The following ASB14 variants were observed in gnomAD, a reference collection of about 807,000 sequenced individuals.
ASB14 encodes the protein ankyrin repeat and SOCS box protein 14.
ASB14 carries 63 observed loss-of-function variants against 55.6 expected under a neutral mutation model. That is an observed-to-expected ratio of 1.13 (90% CI 0.92 to 1.40). ASB14 has a LOEUF of 1.40. Ranked by LOEUF, ASB14 falls within the 40% of genes most tolerant of loss-of-function variation. ASB14 has a pLI of 0.00. For synonymous variants in ASB14, 256 were observed against 259.9 expected, an observed-to-expected ratio of 0.98 and a Z score of 0.15; for missense variants, 724 against 710.4, an observed-to-expected ratio of 1.02 and a Z score of -0.22.
intron 10 of ASB14, among the ~76,000 whole-genome samples, chr3:57,273,649 A>ATCGATCACTGGTGACTGTTTTTCTTT (rs2060963224): frequency 1.3e-5 from 2 of 152,220 alleles, no homozygotes; most frequent in Non-Finnish European, 2.9e-5. Flanking sequence ...AAGCAAACTA[A>ATCGATCACTGGTGACTGTTTTTCTTT]TCGATCACTG....
chr3:57,271,798 C>CCCAT (rs1259904587), intron 10 of ASB14: 5 of 152,206 alleles, frequency 3.3e-5, no homozygotes, highest in Non-Finnish European at 7.3e-5. Context: ...CAATAATAAA[C>CCCAT]CCATCATCTC....
Position 57,277,897 on chromosome 3 carries a change from T to C in ASB14, c.1455A>G (p.Ser485=). 6.2e-7 allele frequency: 1 copy of C among 1,612,526 alleles called. No homozygotes were observed. The highest frequency in any genetic ancestry group is 8.5e-7 in the Non-Finnish European group (1 of 1,179,574). The part of the protein sequence containing the change: ...DTKFCEVITL[S]WLQHLSGKVV... The stretch of plus-strand genomic sequence containing the variant: ...CCTTTCCAGAGAGATGTTGCAGCCA[T>C]GACAAAGTTATTACTTCACAGAACT... The change falls in exon 9 of 11, where the codon TCA becomes TCG. Residue 485 remains serine (S), a synonymous_variant. Transcript: ENST00000487349.
At position 57,268,342 on chromosome 3, in the gene ASB14, TA is replaced by T; in HGVS notation, c.*1298del. On this transcript the variant is annotated 3_prime_UTR_variant, in exon 11 of 11. Coordinates refer to ENST00000487349, the MANE Select transcript of ASB14 (RefSeq NM_001142733.3). ...ACCATGTGATATTAACTGAAATGTC[TA>T]AAATTTAAAGTTATTTCATATTTAA... 6.9e-7 allele frequency: 1 copy of T among 1,441,718 alleles called. No individual in the cohort carries two copies. Among genetic ancestry groups the T allele is most frequent in the Admixed American group, 2.2e-5 (1 of 46,424 alleles). The allele number at this position is 1,441,718 out of a possible 1,614,324, so 89.3% of individuals were successfully genotyped here. A position where few individuals can be genotyped will look rare whatever the true frequency, so the allele number is the denominator to read the frequency against.
intron 10 of ASB14, among the ~76,000 whole-genome samples, chr3:57,275,415 G>T (rs188390515): frequency 6.8e-6 from 1 of 147,450 alleles, no homozygotes; most frequent in Non-Finnish European, 1.5e-5. Context: ...TCATGCCACC[G>T]CAGTCCAGTC....
chr3:57,276,469 G>T, intron 10 of ASB14, 59 bp downstream of exon 10: 2 of 1,321,084 alleles, frequency 1.5e-6, no homozygotes, highest in Non-Finnish European at 2.1e-6. Context: ...GGTGGGTAAA[G>T]CAAAAAATAT....
Position 57,280,446 on chromosome 3 carries a change from T to A in ASB14, c.743A>T (p.Asp248Val), listed in dbSNP as rs1233434577. 2 of 1,551,120 alleles carry A rather than the reference T, an allele frequency of 1.3e-6. No homozygotes were observed. Among genetic ancestry groups the A allele is most frequent in the Non-Finnish European group, 8.7e-7 (1 of 1,146,702 alleles). Reference sequence around the variant, plus strand: ...GGCTTCAAGTAAGATGGAAGAAGAATCAGAGGCCTGACCATGAGCATTAGC... The same window carrying A: ...GGCTTCAAGTAAGATGGAAGAAGAAACAGAGGCCTGACCATGAGCATTAGC... ...KGANAHGQAS[D>V]SSSILLEAAS... The change falls in exon 7 of 11, where the codon GAT (aspartate) becomes GTT (valine). Residue 248 changes from aspartate to valine, a missense_variant. Physicochemically the swap from Asp to Val is radical, Grantham distance 152. Transcript: ENST00000487349.
chr3:57,288,554 CTGAAG>C (rs2061100189), intron 3 of ASB14, among the ~76,000 whole-genome samples: 1 of 151,918 alleles, frequency 6.6e-6, no homozygotes, highest in Admixed American at 6.6e-5. Context: ...CTTCATTGAG[CTGAAG>C]TATTTTCTCC....
Position 57,268,676 on chromosome 3 carries a change from T to C in ASB14, c.*965A>G. 4.5e-6 allele frequency: 2 copies of C among 443,080 alleles called. No homozygotes were observed. Among genetic ancestry groups the C allele is most frequent in the Non-Finnish European group, 7.4e-6 (2 of 271,152 alleles). 27.4% of individuals were successfully genotyped at this position (443,080 alleles called of 1,614,324 possible). On this transcript the variant is annotated 3_prime_UTR_variant, in exon 11 of 11. Coordinates refer to ENST00000487349, the MANE Select transcript of ASB14 (RefSeq NM_001142733.3). ...TTTGATATGATGTTTACATTATAGT[T>C]ACGTTGACATGTAATATGACTGTTT... is the stretch of plus-strand genomic sequence containing the variant.
intron 8 of ASB14, 49 bp downstream of exon 8, chr3:57,278,328 G>T: frequency 6.7e-7 from 1 of 1,487,600 alleles, no homozygotes; most frequent in Non-Finnish European, 9.3e-7. Flanking sequence ...ATAGTTCCAG[G>T]GCCACAAATA....
chr3:57,270,535 C>T (rs1457760786), intron 10 of ASB14: 1 of 152,618 alleles, frequency 6.6e-6, no homozygotes, highest in East Asian at 1.9e-4. Context: ...GTATTTTCTG[C>T]ATTGTGTGAA....
Position 57,291,958 on chromosome 3 carries a change from C to A in ASB14, c.76G>T (p.Asp26Tyr), listed in dbSNP as rs1489466255. Reference protein sequence around the residue: ...TQLIIQQSLQDIYKPGTAQHA... With the variant: ...TQLIIQQSLQYIYKPGTAQHA... ...TGTGCTGTTCCTGGCTTATAAATATCCTGCAAACTCTGTTGAATGATGAGC... is the reference window on the plus strand; with the variant it reads ...TGTGCTGTTCCTGGCTTATAAATATACTGCAAACTCTGTTGAATGATGAGC... Residue 26 changes from aspartate to tyrosine, a missense_variant, in exon 2 of 11, where the codon GAT becomes TAT. Physicochemically the swap from Asp to Tyr is radical, Grantham distance 160. Transcript: ENST00000487349. 5 of 1,536,452 alleles carry A rather than the reference C, an allele frequency of 3.3e-6. No homozygotes were observed. The highest frequency in any genetic ancestry group is 4.4e-6 in the Non-Finnish European group (5 of 1,146,190).
At chr3:57,279,483 G>T (rs199988461) in intron 7 of ASB14, among the ~76,000 whole-genome samples, 1 of 151,766 alleles carries the variant, frequency 6.6e-6, no homozygotes, top group African/African-American at 2.4e-5. Context: ...GGCGGATCAC[G>T]AGGTTAAGAG....
Position 57,288,171 on chromosome 3 carries a change from C to T in ASB14, c.294G>A (p.Leu98=). The T allele has an allele frequency of 6.5e-7, 1 of 1,537,054 alleles. No homozygotes were observed. Among genetic ancestry groups the T allele is most frequent in the Non-Finnish European group, 8.7e-7 (1 of 1,146,730 alleles). Reference sequence around the variant, plus strand: ...GGAATTTACCGCTTAGGGTTATTTCCAAAATTTTCCTATTTAATTGCACTG... The same window carrying T: ...GGAATTTACCGCTTAGGGTTATTTCTAAAATTTTCCTATTTAATTGCACTG... ...KAAVQLNRKI[L]EITLSASDPS... Residue 98 remains leucine (L), a synonymous_variant, in exon 4 of 11, where the codon TTG becomes TTA. Coordinates refer to ENST00000487349, the MANE Select transcript of ASB14 (RefSeq NM_001142733.3).
At chr3:57,285,318 CTT>C (rs1000608787) in intron 5 of ASB14, among the ~76,000 whole-genome samples, 12 of 152,172 alleles carry the variant, frequency 7.9e-5, no homozygotes, top group African/African-American at 2.9e-4. Context: ...GTCCATCACT[CTT>C]TCCCTACAAT....
intron 6 of ASB14, among the ~76,000 whole-genome samples, chr3:57,281,923 C>G (rs1388463482): frequency 1.3e-5 from 2 of 152,164 alleles, no homozygotes; most frequent in Non-Finnish European, 2.9e-5. Context: ...GTGCAAATTA[C>G]TTTGTAAGGA....
rs768894624 is a variant in ASB14 at position 57,276,616 on chromosome 3, T to C, written c.1698A>G (p.Leu566=). 1 of 1,613,994 alleles carries C rather than the reference T, an allele frequency of 6.2e-7. No homozygotes were observed. The highest frequency in any genetic ancestry group is 1.3e-5 in the African/African-American group (1 of 75,032). Reference sequence around the variant, plus strand: ...ATTCTTTGTAAAGGACATATGCTTTTAGACGATTGGGTAATGGAAGAAATG... The same window carrying C: ...ATTCTTTGTAAAGGACATATGCTTTCAGACGATTGGGTAATGGAAGAAATG... ...FMSFLPLPNR[L]KAYVLYKEYD... is the part of the protein sequence containing the mutation. The change falls in exon 10 of 11, where the codon CTA becomes CTG. Residue 566 remains leucine (L), a synonymous_variant. Coordinates refer to ENST00000487349, the MANE Select transcript of ASB14 (RefSeq NM_001142733.3).
chr3:57,276,427 TA>T, intron 10 of ASB14, 100 bp downstream of exon 10: 1 of 841,290 alleles, frequency 1.2e-6, no homozygotes, highest in Non-Finnish European at 1.8e-6. Flanking sequence ...AGCTACTTTT[TA>T]AAGGACTTAG....
intron 10 of ASB14, chr3:57,270,946 C>G (rs1321801231): frequency 6.6e-6 from 1 of 151,888 alleles, no homozygotes; most frequent in African/African-American, 2.4e-5. Context: ...TATGTTAAAC[C>G]TTAATTTTTT....
At chr3:57,271,293 T>G (rs939061786) in intron 10 of ASB14, 13 of 152,624 alleles carry the variant, frequency 8.5e-5, no homozygotes, top group African/African-American at 2.9e-4. Context: ...ATTCCTTCTA[T>G]CCATGTGCCA....
Sources: gnomAD v4.1 joint callset for allele counts (sites outside exome capture counted in the v4.1 genomes callset) on GRCh38, gnomAD v4.1.1 for gene constraint, MANE v1.5 for transcripts, NCBI Gene and HGNC (gene_info 2026-07-23, HGNC 2026-07-21) for gene names.